The following RPRD1B variants were observed in gnomAD, a reference collection of about 807,000 sequenced individuals.
RPRD1B encodes regulation of nuclear pre-mRNA domain containing 1B.
RPRD1B carries 11 observed loss-of-function variants against 41.5 expected under a neutral mutation model. The observed-to-expected ratio is 0.27, with a 90% CI of 0.17 to 0.44. The LOEUF (loss-of-function observed/expected upper bound fraction) is 0.44, where lower values mean the gene tolerates loss of function less well. Ranked by LOEUF, RPRD1B falls within the 20% of genes least tolerant of loss-of-function variation. The probability of loss-of-function intolerance (pLI) is 1.00; values close to 1 mark genes in which losing one functional copy is unlikely to be tolerated. For missense variants in RPRD1B, 248 were observed against 389.9 expected, an observed-to-expected ratio of 0.64 and a Z score of 3.06; for synonymous variants, 158 against 155.6, an observed-to-expected ratio of 1.02 and a Z score of -0.12.
At chr20:38,053,061 G>A (rs1215207389) in intron 3 of RPRD1B, among the ~76,000 whole-genome samples, 1 of 152,072 alleles carries the variant, frequency 6.6e-6, no homozygotes, top group African/African-American at 2.4e-5. Flanking sequence ...TATGAGGACA[G>A]AAGGACTTTG....
At position 38,054,082 on chromosome 20, in the gene RPRD1B, G is replaced by A. The variant is rs189964578; in HGVS notation, c.416-3450G>A. ...AAGGGCAGATTGCTGATAAGAGGCT[G>A]TGTAGGTGAAGGAGCAAAGGGAGGG... On this transcript the variant is annotated intron_variant, in intron 3 of 6. Transcript: ENST00000373433. 8.5e-3 allele frequency among the ~76,000 whole-genome samples: 1,302 copies of A among 152,288 alleles called. 21 individuals are homozygous for A. Among genetic ancestry groups the A allele is most frequent in the African/African-American group, 0.028 (1,162 of 41,554 alleles).
rs533442045 is a variant in RPRD1B at position 38,073,688 on chromosome 20, C to T, written c.831+7432C>T. ...TTTTTTGTCAACTTTGGAGTAAATTCGTCTTTCCTATGATGATCAAAGCCA... is the reference window on the plus strand; with the variant it reads ...TTTTTTGTCAACTTTGGAGTAAATTTGTCTTTCCTATGATGATCAAAGCCA... On this transcript the variant is annotated intron_variant, in intron 6 of 6. Coordinates refer to ENST00000373433, the MANE Select transcript of RPRD1B (RefSeq NM_021215.4). 3.3e-5 allele frequency among the ~76,000 whole-genome samples: 5 copies of T among 152,232 alleles called. No individual in the cohort carries two copies. The East Asian group carries it at 5.8e-4, about 18-fold the overall frequency.
intron 1 of RPRD1B, among the ~76,000 whole-genome samples, chr20:38,035,963 A>C (rs1374472395): frequency 6.6e-6 from 1 of 151,762 alleles, no homozygotes; most frequent in Non-Finnish European, 1.5e-5. Flanking sequence ...ATGGGGTTTC[A>C]CTGTGTTAGC....
rs984231877 is a variant in RPRD1B at position 38,045,385 on chromosome 20, A to G, written c.282-2963A>G. Among the ~76,000 whole-genome samples, 5 of 152,320 alleles carry G rather than the reference A, an allele frequency of 3.3e-5. No homozygotes were observed. The South Asian group carries it at 8.3e-4, about 25-fold the overall frequency. ...AAGTGACTTCCATTTCGCTGGAGCT[A>G]CTTCCTTCAAAACCTAATCAGTAGA... is the stretch of plus-strand genomic sequence containing the variant. On this transcript the variant is annotated intron_variant, in intron 2 of 6. Coordinates refer to ENST00000373433, the MANE Select transcript of RPRD1B (RefSeq NM_021215.4).
At chr20:38,034,209 G>T (rs1397056146) in intron 1 of RPRD1B, 111 bp downstream of exon 1, 7 of 1,204,412 alleles carry the variant, frequency 5.8e-6, no homozygotes. Flanking sequence ...AGGCCTGATC[G>T]AGCTTCTGAG....
intron 5 of RPRD1B, among the ~76,000 whole-genome samples, chr20:38,062,933 C>T (rs1251194835): frequency 2.0e-5 from 3 of 146,712 alleles, no homozygotes; most frequent in Non-Finnish European, 4.5e-5. Context: ...CTCCTGGACT[C>T]AAGCAATCCT....
At chr20:38,073,676 TTG>T (rs1299546524) in intron 6 of RPRD1B, among the ~76,000 whole-genome samples, 1 of 152,160 alleles carries the variant, frequency 6.6e-6, no homozygotes, top group African/African-American at 2.4e-5. Flanking sequence ...TTTGTCAACT[TTG>T]GAGTAAATTC....
chr20:38,070,166 A>T, intron 6 of RPRD1B: 2 of 982,514 alleles, frequency 2.0e-6, no homozygotes, highest in African/African-American at 3.5e-5. Flanking sequence ...AAGTAGAATT[A>T]TGCTTTATTC....
chr20:38,064,142 C>T (rs1455462794), intron 5 of RPRD1B, among the ~76,000 whole-genome samples: 1 of 152,134 alleles, frequency 6.6e-6, no homozygotes, highest in African/African-American at 2.4e-5. Context: ...GAGAAGTTGG[C>T]GGTCCTTTAT....
Position 38,057,506 on chromosome 20 carries a change from A to G in RPRD1B, c.416-26A>G, listed in dbSNP as rs752739695. 1.4e-5 allele frequency: 22 copies of G among 1,564,228 alleles called. No homozygotes were observed. The East Asian group carries it at 2.5e-4, about 18-fold the overall frequency. ...TTATCACTACAGGATATGTGACTCA[A>G]ATTTATTACTTTCTCTTTTGTCTAG... is the stretch of plus-strand genomic sequence containing the variant. On this transcript the variant is annotated intron_variant, in intron 3 of 6. Transcript: ENST00000373433.
intron 1 of RPRD1B, among the ~76,000 whole-genome samples, chr20:38,037,564 G>C (rs1211918898): frequency 1.3e-5 from 2 of 152,204 alleles, no homozygotes; most frequent in Non-Finnish European, 2.9e-5. Context: ...TGGGATGGAG[G>C]GGTGTGCATG....
At chr20:38,037,473 A>G (rs1016910314) in intron 1 of RPRD1B, among the ~76,000 whole-genome samples, 1 of 152,202 alleles carries the variant, frequency 6.6e-6, no homozygotes, top group African/African-American at 2.4e-5. Flanking sequence ...ACCAGTTTGG[A>G]ATGGACATGG....
At chr20:38,080,872 T>C (rs1306984835) in intron 6 of RPRD1B, among the ~76,000 whole-genome samples, 3 of 152,196 alleles carry the variant, frequency 2.0e-5, no homozygotes, top group Non-Finnish European at 4.4e-5. Context: ...CATTGGTCTT[T>C]GTATCTGTTT....
intron 5 of RPRD1B, among the ~76,000 whole-genome samples, chr20:38,060,906 A>C (rs1307881155): frequency 6.6e-6 from 1 of 152,110 alleles, no homozygotes; most frequent in Non-Finnish European, 1.5e-5. Flanking sequence ...CCTTCAGTGT[A>C]GTCTCCTGGC....
At chr20:38,062,388 T>C (rs189532586) in intron 5 of RPRD1B, among the ~76,000 whole-genome samples, 239 of 152,256 alleles carry the variant, frequency 1.6e-3, no homozygotes, top group Non-Finnish European at 2.7e-3. Flanking sequence ...ATCTCTAGTG[T>C]TGACCCTTCC....
chr20:38,037,653 G>C (rs2074016811), intron 1 of RPRD1B, among the ~76,000 whole-genome samples: 1 of 152,196 alleles, frequency 6.6e-6, no homozygotes, highest in South Asian at 2.1e-4. Context: ...TGCTTATGTT[G>C]ACTGTTGAGG....
intron 2 of RPRD1B, among the ~76,000 whole-genome samples, chr20:38,046,186 G>C (rs1010438805): frequency 3.3e-5 from 5 of 152,164 alleles, no homozygotes; most frequent in Non-Finnish European, 7.4e-5. Context: ...AGGTAGGGTA[G>C]GGAAAGGAGA....
rs1000477949 is a variant in RPRD1B at position 38,048,679 on chromosome 20, C to T, written c.415+198C>T. 6.6e-6 allele frequency: 5 copies of T among 758,412 alleles called. No individual in the cohort carries two copies. The African/African-American group carries it at 9.6e-5, about 15-fold the overall frequency. 47.0% of individuals were successfully genotyped at this position (758,412 alleles called of 1,614,324 possible). On this transcript the variant is annotated intron_variant, in intron 3 of 6. Coordinates refer to ENST00000373433, the MANE Select transcript of RPRD1B (RefSeq NM_021215.4). ...TGGTTCTAGTATTCATGCTATTCAT[C>T]CTCTCACACCCTGACTTTTGCTCTC...
Position 38,092,017 on chromosome 20 carries a change from A to G in RPRD1B, c.*2142A>G. The G allele has an allele frequency of 1.4e-5, 14 of 985,850 alleles. No homozygotes were observed. The highest frequency in any genetic ancestry group is 1.7e-5 in the Non-Finnish European group (14 of 829,918). The allele number at this position is 985,850 out of a possible 1,614,324, so 61.1% of individuals were successfully genotyped here. A position where few individuals can be genotyped will look rare whatever the true frequency, so the allele number is the denominator to read the frequency against. ...TTTAAATCTTAATTCTGCTGTCCAC[A>G]TCCTCCCAAAGTGTGCTTACTTCAT... On this transcript the variant is annotated 3_prime_UTR_variant, in exon 7 of 7. Transcript: ENST00000373433.
Sources: gnomAD v4.1 joint callset for allele counts (sites outside exome capture counted in the v4.1 genomes callset) on GRCh38, gnomAD v4.1.1 for gene constraint, MANE v1.5 for transcripts, NCBI Gene and HGNC (gene_info 2026-07-23, HGNC 2026-07-21) for gene names.